KCNMA1: variants seen among roughly 807,000 people sequenced by gnomAD.
The protein encoded by KCNMA1 is potassium calcium-activated channel subfamily M alpha 1.
A neutral mutation model predicts 140.0 loss-of-function variants in KCNMA1; 29 were observed. That is an observed-to-expected ratio of 0.21 (90% CI 0.15 to 0.28). The LOEUF (loss-of-function observed/expected upper bound fraction) is 0.28. Among genes scored for constraint, KCNMA1 ranks in the 10% least tolerant of loss-of-function variants. The pLI, the probability that KCNMA1 is intolerant of heterozygous loss-of-function variation, is 1.00. For missense variants in KCNMA1, 880 were observed against 1,602.2 expected (o/e 0.55, Z 7.70); for synonymous variants, 612 against 611.9 (o/e 1.00, Z 0.00).
chr10:77,421,709 C>T (rs2096870256), intron 1 of KCNMA1, among the ~76,000 whole-genome samples: 1 of 152,216 alleles, frequency 6.6e-6, no homozygotes. Flanking sequence ...AGCTAATGGG[C>T]CATACAAAAA....
intron 2 of KCNMA1, among the ~76,000 whole-genome samples, chr10:77,305,283 C>T (rs1001128707): frequency 3.9e-5 from 6 of 152,290 alleles, no homozygotes; most frequent in African/African-American, 1.2e-4. Context: ...AAACAGCAAT[C>T]GTCATAGTCA....
chr10:77,203,042 C>T (rs2042949204), intron 3 of KCNMA1, among the ~76,000 whole-genome samples: 1 of 152,164 alleles, frequency 6.6e-6, no homozygotes, highest in African/African-American at 2.4e-5. Context: ...TGTGTCACTG[C>T]TGTTAACCTG....
chr10:77,579,883 C>T (rs939702767), intron 1 of KCNMA1, among the ~76,000 whole-genome samples: 3 of 152,064 alleles, frequency 2.0e-5, no homozygotes, highest in Non-Finnish European at 2.9e-5. Context: ...CAGGTGTCCC[C>T]GGATGTTTCT....
chr10:77,241,043 A>G (rs192375843), intron 3 of KCNMA1, among the ~76,000 whole-genome samples: 112 of 152,258 alleles, frequency 7.4e-4, no homozygotes, highest in Admixed American at 1.8e-3. Flanking sequence ...TGAAGTTCCT[A>G]TTTCCCAAAG....
intron 16 of KCNMA1, chr10:77,021,038 G>C (rs1034772960): frequency 4.6e-5 from 7 of 152,074 alleles, no homozygotes; most frequent in African/African-American, 1.7e-4. Flanking sequence ...AATCCAAAGT[G>C]TATTTCATTT....
chr10:77,244,184 T>G (rs1360960429), intron 3 of KCNMA1, among the ~76,000 whole-genome samples: 1 of 152,222 alleles, frequency 6.6e-6, no homozygotes, highest in Non-Finnish European at 1.5e-5. Context: ...CAGCTCCAGC[T>G]CTGCCCCTGG....
At chr10:77,490,908 C>T (rs139829867) in intron 1 of KCNMA1, among the ~76,000 whole-genome samples, 175 of 152,300 alleles carry the variant, frequency 1.1e-3, no homozygotes, top group Non-Finnish European at 1.7e-3. Flanking sequence ...CTTGACCTTG[C>T]TTTTACCTTG....
intron 21 of KCNMA1, 37 bp from the exon 22 acceptor site, chr10:76,949,403 G>T: frequency 6.7e-7 from 1 of 1,495,968 alleles, no homozygotes; most frequent in Non-Finnish European, 9.3e-7. Context: ...TCAGAGAGAA[G>T]ACTGCATAGG....
chr10:77,065,134 T>C (rs749749198), intron 14 of KCNMA1, among the ~76,000 whole-genome samples: 1 of 152,124 alleles, frequency 6.6e-6, no homozygotes, highest in Non-Finnish European at 1.5e-5. Flanking sequence ...CAAACACGTA[T>C]TGAGTAGCTA....
intron 2 of KCNMA1, among the ~76,000 whole-genome samples, chr10:77,358,378 G>A (rs2093676312): frequency 6.6e-6 from 1 of 152,178 alleles, no homozygotes; most frequent in South Asian, 2.1e-4. Context: ...TATTAAATAT[G>A]TCTCAAAGCA....
chr10:77,460,363 A>G (rs191972162), intron 1 of KCNMA1, among the ~76,000 whole-genome samples: 86 of 152,326 alleles, frequency 5.6e-4, no homozygotes, highest in African/African-American at 2.0e-3. Context: ...TAGAACTACT[A>G]TTCAATCTAG....
At chr10:77,003,511 G>C (rs1187585441) in intron 18 of KCNMA1, among the ~76,000 whole-genome samples, 1 of 152,024 alleles carries the variant, frequency 6.6e-6, no homozygotes, top group African/African-American at 2.4e-5. Flanking sequence ...ACATTCCCTT[G>C]TTTTCTCTTT....
intron 1 of KCNMA1, among the ~76,000 whole-genome samples, chr10:77,411,249 A>T (rs1379498002): frequency 6.6e-6 from 1 of 151,724 alleles, no homozygotes; most frequent in South Asian, 2.1e-4. Flanking sequence ...AATCCCTGTG[A>T]GCTCAGAGTA....
At chr10:77,067,957 A>G (rs2096021132) in intron 14 of KCNMA1, among the ~76,000 whole-genome samples, 1 of 152,226 alleles carries the variant, frequency 6.6e-6, no homozygotes, top group African/African-American at 2.4e-5. Flanking sequence ...AGAATGAACT[A>G]TAGAAAGCTA....
At chr10:76,930,360 C>G (rs1167689116) in intron 23 of KCNMA1, 3 of 152,108 alleles carry the variant, frequency 2.0e-5, no homozygotes, top group Non-Finnish European at 4.4e-5. Flanking sequence ...AAATGGCCAA[C>G]AAGTAGATAT....
At chr10:77,411,275 T>C (rs1320890423) in intron 1 of KCNMA1, among the ~76,000 whole-genome samples, 1 of 152,018 alleles carries the variant, frequency 6.6e-6, no homozygotes, top group Admixed American at 6.5e-5. Flanking sequence ...CTGACAAATC[T>C]TGGTGGGTGG....
chr10:76,993,045 C>T (rs1433518098), intron 19 of KCNMA1, among the ~76,000 whole-genome samples: 1 of 152,176 alleles, frequency 6.6e-6, no homozygotes, highest in Non-Finnish European at 1.5e-5. Context: ...TTCCCATGAG[C>T]TCTAACTGAA....
intron 1 of KCNMA1, among the ~76,000 whole-genome samples, chr10:77,595,384 A>G (rs1257877625): frequency 6.6e-6 from 1 of 151,628 alleles, no homozygotes; most frequent in Non-Finnish European, 1.5e-5. Context: ...TTTTAGTAGC[A>G]AACAGTCAAG....
At chr10:77,194,053 A>T (rs1456798835) in intron 3 of KCNMA1, among the ~76,000 whole-genome samples, 1 of 152,162 alleles carries the variant, frequency 6.6e-6, no homozygotes, top group East Asian at 1.9e-4. Flanking sequence ...ACCCCTAGCC[A>T]TTGGGGAGCA....
Sources: gnomAD v4.1 joint callset for allele counts (sites outside exome capture counted in the v4.1 genomes callset) on GRCh38, gnomAD v4.1.1 for gene constraint, MANE v1.5 for transcripts, NCBI Gene and HGNC (gene_info 2026-07-23, HGNC 2026-07-21) for gene names.